The following PDE7B variants were observed in gnomAD, a reference collection of about 807,000 sequenced individuals.
PDE7B encodes the protein phosphodiesterase 7B, also known as 3',5'-cyclic-AMP phosphodiesterase 7B.
In PDE7B, 29 loss-of-function variants were observed where a neutral mutation model predicts 56.2. The observed-to-expected ratio is 0.52, with a 90% CI of 0.38 to 0.70. The LOEUF (loss-of-function observed/expected upper bound fraction) is 0.70. Among genes scored for constraint, PDE7B ranks in the 30% least tolerant of loss-of-function variants. The pLI is 0.00. For missense variants in PDE7B, 490 were observed against 565.0 expected (o/e 0.87, Z 1.35); for synonymous variants, 197 against 196.9 (o/e 1.00, Z 0.00).
chr6:136,087,867 T>C lies in PDE7B; in HGVS notation c.83-20864T>C, dbSNP rs79187752. On this transcript the variant is annotated intron_variant, in intron 2 of 12. Transcript: ENST00000308191. ...AAGCAGAGTTATGTTCTAGTTGAAATTGGGAACATTCTTGCTCTTAGAACT... is the reference window on the plus strand; with the variant it reads ...AAGCAGAGTTATGTTCTAGTTGAAACTGGGAACATTCTTGCTCTTAGAACT... 6.6e-3 allele frequency among the ~76,000 whole-genome samples: 1,012 copies of C among 152,286 alleles called. 25 individuals are homozygous for C. The highest frequency in any genetic ancestry group is 0.052 in the Admixed American group (791 of 15,302).
chr6:136,047,411 T>C (rs1042636399), intron 2 of PDE7B: 1 of 152,246 alleles, frequency 6.6e-6, no homozygotes, highest in African/African-American at 2.4e-5. Context: ...TCAGGTCTGA[T>C]ACATTTTCAC....
chr6:136,117,293 C>T (rs1328332497), intron 3 of PDE7B: 1 of 152,176 alleles, frequency 6.6e-6, no homozygotes, highest in Non-Finnish European at 1.5e-5. Context: ...CAACCTCCTA[C>T]CCAGAAACAG....
At chr6:136,131,504 T>G (rs1030068272) in intron 3 of PDE7B, among the ~76,000 whole-genome samples, 2 of 146,820 alleles carry the variant, frequency 1.4e-5, no homozygotes, top group Non-Finnish European at 3.0e-5. Context: ...GTTTTTTTTT[T>G]TTTTTTTTTT....
Position 136,037,328 on chromosome 6 carries a change from C to G in PDE7B, c.83-71403C>G, listed in dbSNP as rs182954059. The G allele has an allele frequency of 9.6e-6, 7 of 726,414 alleles. No individual in the cohort carries two copies. The East Asian group carries it at 9.2e-4, about 96-fold the overall frequency. The allele number at this position is 726,414 out of a possible 1,614,324, so 45.0% of individuals were successfully genotyped here. A position where few individuals can be genotyped will look rare whatever the true frequency, so the allele number is the denominator to read the frequency against. ...CCGAATTCGCATCTTTCGGAGTTAA[C>G]TGTGGAATGTGATTCAATGTTATTT... On this transcript the variant is annotated intron_variant, in intron 2 of 12. Coordinates refer to ENST00000308191, the MANE Select transcript of PDE7B (RefSeq NM_018945.4).
intron 12 of PDE7B, among the ~76,000 whole-genome samples, chr6:136,190,629 G>A: frequency 6.6e-6 from 1 of 152,112 alleles, no homozygotes; most frequent in South Asian, 2.1e-4. Flanking sequence ...TAGACTGAAA[G>A]CTATCTTTTC....
chr6:135,916,671 G>A (rs144189640), intron 1 of PDE7B, among the ~76,000 whole-genome samples: 10 of 151,702 alleles, frequency 6.6e-5, no homozygotes, highest in African/African-American at 1.9e-4. Context: ...GATTACAGGC[G>A]TTAGCCACCG....
At chr6:135,866,491 A>G (rs1040618143) in intron 1 of PDE7B, among the ~76,000 whole-genome samples, 1 of 152,208 alleles carries the variant, frequency 6.6e-6, no homozygotes, top group African/African-American at 2.4e-5. Flanking sequence ...ACAAAGTATC[A>G]TTCTGAGGTT....
At chr6:136,154,248 C>T in intron 7 of PDE7B, 73 bp downstream of exon 7, 2 of 821,792 alleles carry the variant, frequency 2.4e-6, no homozygotes, top group Non-Finnish European at 4.2e-6. Flanking sequence ...CCCAAGTTAC[C>T]CAACATATCT....
chr6:136,035,892 T>C (rs1776319188), intron 2 of PDE7B, among the ~76,000 whole-genome samples: 2 of 152,222 alleles, frequency 1.3e-5, no homozygotes, highest in Admixed American at 6.5e-5. Flanking sequence ...TGATATATGA[T>C]ATCACATATT....
At chr6:136,167,178 T>C (rs778811809) in intron 8 of PDE7B, among the ~76,000 whole-genome samples, 5 of 152,188 alleles carry the variant, frequency 3.3e-5, no homozygotes, top group Admixed American at 6.6e-5. Flanking sequence ...GTGGGGACTC[T>C]CAGATGCCCA....
At chr6:135,866,580 A>G (rs533535483) in intron 1 of PDE7B, among the ~76,000 whole-genome samples, 3 of 152,292 alleles carry the variant, frequency 2.0e-5, no homozygotes, top group East Asian at 1.9e-4. Flanking sequence ...CACATTTTCC[A>G]TCAAATATAT....
At chr6:136,175,380 AGT>A (rs567187504) in intron 9 of PDE7B, among the ~76,000 whole-genome samples, 82 of 152,274 alleles carry the variant, frequency 5.4e-4, no homozygotes, top group African/African-American at 1.9e-3. Flanking sequence ...AATTCAGGAA[AGT>A]GTTAGTTTGA....
intron 2 of PDE7B, among the ~76,000 whole-genome samples, chr6:135,963,890 G>A (rs961730878): frequency 6.6e-6 from 1 of 152,086 alleles, no homozygotes; most frequent in Admixed American, 6.5e-5. Context: ...GGGGGAAAAA[G>A]CTGAGAGCAG....
intron 2 of PDE7B, among the ~76,000 whole-genome samples, chr6:136,016,065 T>C (rs1484519284): frequency 6.6e-6 from 1 of 152,208 alleles, no homozygotes; most frequent in African/African-American, 2.4e-5. Context: ...TTGTTAATGT[T>C]AGTGTTATAA....
intron 2 of PDE7B, among the ~76,000 whole-genome samples, chr6:136,033,781 T>C (rs1249107474): frequency 6.6e-6 from 1 of 152,152 alleles, no homozygotes; most frequent in East Asian, 1.9e-4. Flanking sequence ...GTTCTTCTAC[T>C]TGGACTGTAT....
At chr6:136,103,533 G>A (rs1777599205) in intron 2 of PDE7B, among the ~76,000 whole-genome samples, 1 of 152,186 alleles carries the variant, frequency 6.6e-6, no homozygotes, top group Non-Finnish European at 1.5e-5. Context: ...GATTTTCTCT[G>A]TCTTTATTTT....
intron 2 of PDE7B, chr6:136,038,203 CAGA>C (rs1411121448): frequency 3.1e-6 from 4 of 1,299,292 alleles, no homozygotes; most frequent in Non-Finnish European, 3.0e-6. Flanking sequence ...GCAGCAGCAG[CAGA>C]AGCAGAAACA....
At chr6:135,872,516 A>G (rs969760294) in intron 1 of PDE7B, among the ~76,000 whole-genome samples, 1 of 152,222 alleles carries the variant, frequency 6.6e-6, no homozygotes, top group East Asian at 1.9e-4. Flanking sequence ...GTCAAATGCA[A>G]GTGTTCACAG....
chr6:135,993,895 A>G (rs9689952), intron 2 of PDE7B, among the ~76,000 whole-genome samples: 1,586 of 152,316 alleles, frequency 0.01, 30 homozygotes, highest in African/African-American at 0.036. Flanking sequence ...CAGCCCTTAT[A>G]AAAACTCGGG....
Sources: allele counts gnomAD v4.1 joint callset (sites outside exome capture counted in the v4.1 genomes callset), GRCh38; gene constraint gnomAD v4.1.1; transcripts MANE v1.5; gene names NCBI Gene and HGNC (gene_info 2026-07-23, HGNC 2026-07-21).